Variants in SPATA31D1 observed in about 807,000 individuals in gnomAD.
SPATA31D1 encodes SPATA31 subfamily D member 1.
SPATA31D1 carries 6 observed loss-of-function variants against 13.2 expected under a neutral mutation model. The ratio of observed to expected loss-of-function variants is 0.46; its 90% confidence interval spans 0.25 to 0.90. The LOEUF is 0.90. SPATA31D1 is among the 40% of genes least tolerant of loss of function. The pLI, the probability that SPATA31D1 is intolerant of heterozygous loss-of-function variation, is 0.18. For synonymous variants in SPATA31D1, 903 were observed against 718.8 expected (o/e 1.26, Z -4.10); for missense variants, 2,445 against 1,884.7 (o/e 1.30, Z -5.50).
At position 81,990,795 on chromosome 9, in the gene SPATA31D1, A is replaced by G. The variant is rs1191293144; in HGVS notation, c.325A>G (p.Ser109Gly). The change falls in exon 4 of 4, where the codon AGT becomes GGT. Residue 109 changes from serine to glycine, a missense_variant. Coordinates refer to ENST00000344803, the MANE Select transcript of SPATA31D1 (RefSeq NM_001001670.3). ...CAGCTTTGGACCTCCTGTTTCCTGC[A>G]GTCCTCGGGGCCAGCATCATGATAC... ...LKSFGPPVSC[S>G]PRGQHHDTNH... 8 of 1,612,300 alleles carry G rather than the reference A, an allele frequency of 5.0e-6. No homozygotes were observed. Among genetic ancestry groups the G allele is most frequent in the Non-Finnish European group, 5.9e-6 (7 of 1,179,142 alleles).
chr9:81,990,734 C>G (rs775879279), intron 3 of SPATA31D1, 39 bp from the exon 4 acceptor site: 1 of 1,565,042 alleles, frequency 6.4e-7, no homozygotes, highest in African/African-American at 1.4e-5. Context: ...CCCTGCCAGG[C>G]TAACAAATCT....
Position 81,994,514 on chromosome 9 carries a change from C to G in SPATA31D1, c.4044C>G (p.Asn1348Lys). 1 of 1,613,524 alleles carries G rather than the reference C, an allele frequency of 6.2e-7. No homozygotes were observed. Among genetic ancestry groups the G allele is most frequent in the Non-Finnish European group, 8.5e-7 (1 of 1,179,682 alleles). ...TGAAAACACAGCCTCCTCCTGAAAA[C>G]CTTTTCAGAAAATGGATGAAGACCT... ...PTLKTQPPPE[N>K]LFRKWMKTSL... is the part of the protein sequence containing the mutation. The change falls in exon 4 of 4, where the codon AAC (asparagine) becomes AAG (lysine). Residue 1348 changes from asparagine (N) to lysine (K), a missense_variant. Asn to Lys is a moderately conservative substitution (Grantham distance 94). Transcript: ENST00000344803.
At position 81,990,993 on chromosome 9, in the gene SPATA31D1, A is replaced by G; in HGVS notation, c.523A>G (p.Thr175Ala). Residue 175 changes from threonine (T) to alanine (A), a missense_variant, in exon 4 of 4, where the codon ACC becomes GCC. Physicochemically the swap from Thr to Ala is moderately conservative, Grantham distance 58. Coordinates refer to ENST00000344803, the MANE Select transcript of SPATA31D1 (RefSeq NM_001001670.3). ...ATESSFTLAS[T>A]PSATPPEDLI... Reference sequence around the variant, plus strand: ...TGAGTCATCGTTCACTCTGGCTTCCACCCCCTCAGCAACCCCTCCAGAAGA... The same window carrying G: ...TGAGTCATCGTTCACTCTGGCTTCCGCCCCCTCAGCAACCCCTCCAGAAGA... 1.9e-6 allele frequency: 3 copies of G among 1,612,966 alleles called. No individual in the cohort carries two copies. Among genetic ancestry groups the G allele is most frequent in the Middle Eastern group, 3.3e-4 (2 of 6,056 alleles).
rs1305836374 is a variant in SPATA31D1 at position 81,992,268 on chromosome 9, A to G, written c.1798A>G (p.Arg600Gly). 6.2e-7 allele frequency: 1 copy of G among 1,613,790 alleles called. No individual in the cohort carries two copies. Among genetic ancestry groups the G allele is most frequent in the South Asian group, 1.1e-5 (1 of 91,076 alleles). The part of the protein sequence containing the change: ...ALLPSPLFLI[R>G]ICGVCFHRPQ... ...ACTACCTAGTCCTCTATTCCTGATT[A>G]GGATCTGTGGAGTGTGTTTTCATAG... Residue 600 changes from arginine (R) to glycine (G), a missense_variant, in exon 4 of 4, where the codon AGG becomes GGG. Transcript: ENST00000344803.
Position 81,993,786 on chromosome 9 carries a change from G to A in SPATA31D1, c.3316G>A (p.Val1106Ile). ...AGACGAAGTCAGTCAGAAACAGACTGTACTGGCCAGTAGATGCAGCGCAGA... is the reference window on the plus strand; with the variant it reads ...AGACGAAGTCAGTCAGAAACAGACTATACTGGCCAGTAGATGCAGCGCAGA... ...IVDEVSQKQT[V>I]LASRCSAELP... Residue 1106 changes from valine (V) to isoleucine (I), a missense_variant, in exon 4 of 4, where the codon GTA becomes ATA. Transcript: ENST00000344803. 1.2e-6 allele frequency: 2 copies of A among 1,614,028 alleles called. No individual in the cohort carries two copies. Among genetic ancestry groups the A allele is most frequent in the Non-Finnish European group, 1.7e-6 (2 of 1,179,898 alleles).
rs1824989917 is a variant in SPATA31D1, at chr9:81,992,339, T to A, written c.1869T>A (p.His623Gln). ...CTCTTTTGCCATCTGAAATTAACCA[T>A]CTGGAGTGGAACGTGTTGCAGAAAG... ...ARSLLPSEIN[H>Q]LEWNVLQKVQ... Residue 623 changes from histidine to glutamine, a missense_variant, in exon 4 of 4, where the codon CAT becomes CAA. By Grantham distance (24) the His-to-Gln change is conservative. Coordinates refer to ENST00000344803, the MANE Select transcript of SPATA31D1 (RefSeq NM_001001670.3). 1.9e-6 allele frequency: 3 copies of A among 1,613,808 alleles called. No homozygotes were observed. The highest frequency in any genetic ancestry group is 2.5e-6 in the Non-Finnish European group (3 of 1,179,728).
rs755605067 is a variant in SPATA31D1 at position 81,993,211 on chromosome 9, T to G, written c.2741T>G (p.Met914Arg). ...EAHIKTFRMR[M>R]LWGLPLKVLE... ...CATATTAAAACTTTCCGTATGAGGA[T>G]GCTGTGGGGCCTTCCCCTCAAGGTC... Residue 914 changes from methionine (M) to arginine (R), a missense_variant, in exon 4 of 4, where the codon ATG becomes AGG. Met to Arg is a moderately conservative substitution (Grantham distance 91). Transcript: ENST00000344803. The G allele has an allele frequency of 6.2e-7, 1 of 1,613,962 alleles. No individual in the cohort carries two copies. The highest frequency in any genetic ancestry group is 8.5e-7 in the Non-Finnish European group (1 of 1,179,850).
intron 1 of SPATA31D1, 57 bp from the exon 2 acceptor site, chr9:81,989,721 T>C: frequency 3.8e-6 from 6 of 1,573,408 alleles, no homozygotes; most frequent in Non-Finnish European, 5.2e-6. Flanking sequence ...TGAATGAGCT[T>C]CATAGAGAGT....
At position 81,992,261 on chromosome 9, in the gene SPATA31D1, C is replaced by A; in HGVS notation, c.1791C>A (p.Phe597Leu). The part of the protein sequence containing the change: ...PFRALLPSPL[F>L]LIRICGVCFH... ...GAGCCCTACTACCTAGTCCTCTATTCCTGATTAGGATCTGTGGAGTGTGTT... is the reference window on the plus strand; with the variant it reads ...GAGCCCTACTACCTAGTCCTCTATTACTGATTAGGATCTGTGGAGTGTGTT... The change falls in exon 4 of 4, where the codon TTC (phenylalanine) becomes TTA (leucine). Residue 597 changes from phenylalanine to leucine, a missense_variant. By Grantham distance (22) the Phe-to-Leu change is conservative. Coordinates refer to ENST00000344803, the MANE Select transcript of SPATA31D1 (RefSeq NM_001001670.3). The A allele has an allele frequency of 6.2e-7, 1 of 1,613,774 alleles. No individual in the cohort carries two copies. Among genetic ancestry groups the A allele is most frequent in the Non-Finnish European group, 8.5e-7 (1 of 1,179,724 alleles).
chr9:81,990,615 T>G (rs1379543996), intron 3 of SPATA31D1, 129 bp downstream of exon 3: 2 of 1,315,918 alleles, frequency 1.5e-6, no homozygotes. Context: ...AATGGGTATG[T>G]GAATGAATGT....
In SPATA31D1 at chr9:81,994,360, T is replaced by C; in HGVS notation, c.3890T>C (p.Val1297Ala). 1 of 1,613,850 alleles carries C rather than the reference T, an allele frequency of 6.2e-7. No individual in the cohort carries two copies. The highest frequency in any genetic ancestry group is 8.5e-7 in the Non-Finnish European group (1 of 1,179,830). Residue 1297 changes from valine to alanine, a missense_variant, in exon 4 of 4, where the codon GTG (valine) becomes GCG (alanine). Physicochemically the swap from Val to Ala is moderately conservative, Grantham distance 64. Coordinates refer to ENST00000344803, the MANE Select transcript of SPATA31D1 (RefSeq NM_001001670.3). ...FPPAVNRVSP[V>A]RPKGGELDGG... The stretch of plus-strand genomic sequence containing the variant: ...CCAGCTGTAAACAGAGTGAGTCCTG[T>C]GAGACCCAAAGGAGGAGAGCTTGAT...
chr9:81,990,059 T>C (rs1253882005), intron 2 of SPATA31D1: 4 of 535,362 alleles, frequency 7.5e-6, no homozygotes, highest in Non-Finnish European at 1.3e-5. Context: ...TGTTGCCCAA[T>C]TGGTGGCCAA....
chr9:81,991,105 T>C lies in SPATA31D1; in HGVS notation c.635T>C (p.Phe212Ser). The change falls in exon 4 of 4, where the codon TTT becomes TCT. Residue 212 changes from phenylalanine (F) to serine (S), a missense_variant. Phe to Ser is a radical substitution (Grantham distance 155). Coordinates refer to ENST00000344803, the MANE Select transcript of SPATA31D1 (RefSeq NM_001001670.3). ...CTGATCACCACCTTAGCTGACTTAT[T>C]TTCACCCTCACCACTGAGGGACCCT... ...PDLITTLADL[F>S]SPSPLRDPLP... The C allele has an allele frequency of 6.2e-7, 1 of 1,613,628 alleles. No individual in the cohort carries two copies. Among genetic ancestry groups the C allele is most frequent in the Non-Finnish European group, 8.5e-7 (1 of 1,179,680 alleles).
chr9:81,994,949 A>G lies in SPATA31D1; in HGVS notation c.4479A>G (p.Ile1493Met). The G allele has an allele frequency of 3.1e-6, 5 of 1,614,000 alleles. No homozygotes were observed. The highest frequency in any genetic ancestry group is 4.2e-6 in the Non-Finnish European group (5 of 1,179,876). ...QNYPTRIRQI[I>M]DKDRQPQKVE... ...ATCCTACAAGGATTAGACAGATCAT[A>G]GACAAGGACAGACAGCCCCAGAAAG... Residue 1493 changes from isoleucine to methionine, a missense_variant, in exon 4 of 4, where the codon ATA (isoleucine) becomes ATG (methionine). Physicochemically the swap from Ile to Met is conservative, Grantham distance 10. Transcript: ENST00000344803.
chr9:81,994,121 A>G lies in SPATA31D1; in HGVS notation c.3651A>G (p.Gln1217=), dbSNP rs752731622. 2.5e-6 allele frequency: 4 copies of G among 1,613,862 alleles called. No individual in the cohort carries two copies. The highest frequency in any genetic ancestry group is 2.7e-5 in the African/African-American group (2 of 74,930). The change falls in exon 4 of 4, where the codon CAA becomes CAG. Residue 1217 remains glutamine, a synonymous_variant. Transcript: ENST00000344803. ...AGTTGGTCCAGAGGAAGCATAGCCAACCTCAGAGCCATTTCACTGACATGT... is the reference window on the plus strand; with the variant it reads ...AGTTGGTCCAGAGGAAGCATAGCCAGCCTCAGAGCCATTTCACTGACATGT... ...QLKLVQRKHS[Q]PQSHFTDMSF... is the part of the protein sequence containing the mutation.
At position 81,991,569 on chromosome 9, in the gene SPATA31D1, T is replaced by C. The variant is rs1485979558; in HGVS notation, c.1099T>C (p.Phe367Leu). 1.2e-6 allele frequency: 2 copies of C among 1,613,982 alleles called. No individual in the cohort carries two copies. The highest frequency in any genetic ancestry group is 2.2e-5 in the East Asian group (1 of 44,864). Residue 367 changes from phenylalanine (F) to leucine (L), a missense_variant, in exon 4 of 4, where the codon TTT becomes CTT. Transcript: ENST00000344803. The part of the protein sequence containing the change: ...TWWQPHAKDS[F>L]SSNFVPSDFM... ...GTGGCAGCCTCATGCCAAGGACTCT[T>C]TTTCCTCTAATTTTGTGCCATCTGA...
rs1465144269 is a variant in SPATA31D1, at chr9:81,994,208, T to C, written c.3738T>C (p.Ser1246=). 6.2e-7 allele frequency: 1 copy of C among 1,613,932 alleles called. No individual in the cohort carries two copies. Among genetic ancestry groups the C allele is most frequent in the East Asian group, 2.2e-5 (1 of 44,870 alleles). The change falls in exon 4 of 4, where the codon AGT becomes AGC. Residue 1246 remains serine (S), a synonymous_variant. Coordinates refer to ENST00000344803, the MANE Select transcript of SPATA31D1 (RefSeq NM_001001670.3). Reference sequence around the variant, plus strand: ...TGACTAATTCCCAGGGCATCTCGAGTGGGGACATGGGAACTTCCCAGGTGG... The same window carrying C: ...TGACTAATTCCCAGGGCATCTCGAGCGGGGACATGGGAACTTCCCAGGTGG... The part of the protein sequence containing the change: ...DLLTNSQGIS[S]GDMGTSQVVH...
rs1824970971 is a variant in SPATA31D1 at position 81,991,792 on chromosome 9, A to C, written c.1322A>C (p.Gln441Pro). 1 of 1,613,806 alleles carries C rather than the reference A, an allele frequency of 6.2e-7. No individual in the cohort carries two copies. The highest frequency in any genetic ancestry group is 8.5e-7 in the Non-Finnish European group (1 of 1,179,730). ...AAGAAACCAGGATCATTCCCAAAAC[A>C]ACTTAGGCCAAACTACCAACTAAAT... is the stretch of plus-strand genomic sequence containing the variant. ...NGKKPGSFPK[Q>P]LRPNYQLNSS... The change falls in exon 4 of 4, where the codon CAA becomes CCA. Residue 441 changes from glutamine (Q) to proline (P), a missense_variant. Physicochemically the swap from Gln to Pro is moderately conservative, Grantham distance 76 (BLOSUM62 -1). Coordinates refer to ENST00000344803, the MANE Select transcript of SPATA31D1 (RefSeq NM_001001670.3).
rs1824947945 is a variant in SPATA31D1 at position 81,991,057 on chromosome 9, C to T, written c.587C>T (p.Pro196Leu). ...CCTCGGCCTAAGGCCTCTCCACCACCCCCCTTAATTCTCTCACCTGACCTG... is the reference window on the plus strand; with the variant it reads ...CCTCGGCCTAAGGCCTCTCCACCACTCCCCTTAATTCTCTCACCTGACCTG... Reference protein sequence around the residue: ...LSPRPKASPPPPLILSPDLIT... With the variant: ...LSPRPKASPPLPLILSPDLIT... Residue 196 changes from proline (P) to leucine (L), a missense_variant, in exon 4 of 4, where the codon CCC (proline) becomes CTC (leucine). Pro to Leu is a moderately conservative substitution (Grantham distance 98). Coordinates refer to ENST00000344803, the MANE Select transcript of SPATA31D1 (RefSeq NM_001001670.3). 3 of 1,613,724 alleles carry T rather than the reference C, an allele frequency of 1.9e-6. No homozygotes were observed. The highest frequency in any genetic ancestry group is 1.7e-6 in the Non-Finnish European group (2 of 1,179,726).
Sources: allele counts gnomAD v4.1 joint callset, GRCh38; gene constraint gnomAD v4.1.1; transcripts MANE v1.5; gene names NCBI Gene and HGNC (gene_info 2026-07-23, HGNC 2026-07-21).